The following WWOX variants were observed in gnomAD, a reference collection of about 807,000 sequenced individuals.
The protein encoded by WWOX is WW domain containing oxidoreductase.
A neutral mutation model predicts 46.2 loss-of-function variants in WWOX; 69 were observed. The observed-to-expected ratio is 1.49, with a 90% CI of 1.23 to 1.82. The LOEUF is 1.82. WWOX is among the 40% of genes most tolerant of loss of function. WWOX has a pLI of 0.00. For synonymous variants in WWOX, 359 were observed against 202.6 expected (o/e 1.77, Z -6.56); for missense variants, 919 against 542.6 (o/e 1.69, Z -6.89).
At chr16:78,148,385 C>T (rs151200753) in intron 4 of WWOX, among the ~76,000 whole-genome samples, 178 of 152,078 alleles carry the variant, frequency 1.2e-3, no homozygotes, top group African/African-American at 4.1e-3. Context: ...CCAGACAGCA[C>T]GTGTAGGGGG....
Position 78,846,016 on chromosome 16 carries a change from G to A in WWOX, c.1057-365592G>A, listed in dbSNP as rs181898682. 3.3e-5 allele frequency among the ~76,000 whole-genome samples: 5 copies of A among 152,296 alleles called. No homozygotes were observed. In the East Asian group the frequency reaches 7.7e-4, roughly 24 times the overall value. On this transcript the variant is annotated intron_variant, in intron 8 of 8. Transcript: ENST00000566780. The stretch of plus-strand genomic sequence containing the variant: ...AATTCTAAGATGGTAGCGTGGATGC[G>A]GGAGGCACTGCACAGGATGGAAAGC...
At chr16:78,626,586 C>G (rs1327108159) in intron 8 of WWOX, among the ~76,000 whole-genome samples, 1 of 152,138 alleles carries the variant, frequency 6.6e-6, no homozygotes, top group Non-Finnish European at 1.5e-5. Flanking sequence ...CTCTGATTCA[C>G]CTGGTCAAGG....
rs1221176819 is a variant in WWOX at position 78,935,222 on chromosome 16, A to G, written c.1057-276386A>G. Among the ~76,000 whole-genome samples, 3 of 152,206 alleles carry G rather than the reference A, an allele frequency of 2.0e-5. No homozygotes were observed. In the East Asian group the frequency reaches 5.8e-4, roughly 29 times the overall value. On this transcript the variant is annotated intron_variant, in intron 8 of 8. Coordinates refer to ENST00000566780, the MANE Select transcript of WWOX (RefSeq NM_016373.4). ...GATTCCTCAAGGATCTAGAACTAGA[A>G]ATACCATTTGACCCAGCCATCCCAT...
At chr16:79,031,731 G>T (rs1293554513) in intron 8 of WWOX, among the ~76,000 whole-genome samples, 12 of 144,286 alleles carry the variant, frequency 8.3e-5, no homozygotes, top group South Asian at 2.2e-4. Context: ...TGCTTAATAG[G>T]CTCTCTCTCT....
chr16:78,932,097 C>T (rs1199801201), intron 8 of WWOX, among the ~76,000 whole-genome samples: 1 of 152,226 alleles, frequency 6.6e-6, no homozygotes, highest in African/African-American at 2.4e-5. Flanking sequence ...ATAAATTACT[C>T]AGTCTCAGGT....
At chr16:78,169,635 A>G (rs1597300660) in intron 5 of WWOX, among the ~76,000 whole-genome samples, 1 of 152,056 alleles carries the variant, frequency 6.6e-6, no homozygotes, top group East Asian at 1.9e-4. Flanking sequence ...AGATTTCTAA[A>G]TTTTAGTTTC....
chr16:78,347,481 C>G lies in WWOX; in HGVS notation c.517-39379C>G, dbSNP rs185227868. ...CGCTGTTACCCCCACAATGTCCCCCCACATATCATTGCTATCCCTCCTCGA... is the reference window on the plus strand; with the variant it reads ...CGCTGTTACCCCCACAATGTCCCCCGACATATCATTGCTATCCCTCCTCGA... On this transcript the variant is annotated intron_variant, in intron 5 of 8. Coordinates refer to ENST00000566780, the MANE Select transcript of WWOX (RefSeq NM_016373.4). 9.1e-4 allele frequency among the ~76,000 whole-genome samples: 108 copies of G among 118,138 alleles called. 27 individuals carry two copies. The highest frequency in any genetic ancestry group is 4.0e-3 in the Middle Eastern group (1 of 252). 77.5% of individuals were successfully genotyped at this position (118,138 alleles called of 152,430 possible).
At position 78,728,091 on chromosome 16, in the gene WWOX, G is replaced by T. The variant is rs1362889966; in HGVS notation, c.1056+295339G>T. Reference sequence around the variant, plus strand: ...TTTTTTTTTTTTTTTTTGAGAAAGGGTCTCACTGTGTCACCCAAGCTGGAG... The same window carrying T: ...TTTTTTTTTTTTTTTTTGAGAAAGGTTCTCACTGTGTCACCCAAGCTGGAG... On this transcript the variant is annotated intron_variant, in intron 8 of 8. Transcript: ENST00000566780. Among the ~76,000 whole-genome samples, 6 of 123,340 alleles carry T rather than the reference G, an allele frequency of 4.9e-5. No homozygotes were observed. In the East Asian group the frequency reaches 9.4e-4, roughly 19 times the overall value. The allele number at this position is 123,340 out of a possible 152,430, so 80.9% of individuals were successfully genotyped here.
intron 8 of WWOX, among the ~76,000 whole-genome samples, chr16:79,013,589 C>T (rs140210451): frequency 9.1e-4 from 138 of 152,232 alleles, no homozygotes; most frequent in Middle Eastern, 6.8e-3. Flanking sequence ...TGTCTTCCAC[C>T]GGGACAGCCC....
intron 6 of WWOX, among the ~76,000 whole-genome samples, chr16:78,398,742 C>A (rs1456928676): frequency 1.3e-5 from 2 of 152,322 alleles, no homozygotes; most frequent in African/African-American, 2.4e-5. Context: ...CTTAATCTTT[C>A]TAATTCTTAA....
At chr16:78,183,911 A>T (rs915771658) in intron 5 of WWOX, among the ~76,000 whole-genome samples, 1 of 152,314 alleles carries the variant, frequency 6.6e-6, no homozygotes, top group Middle Eastern at 3.4e-3. Flanking sequence ...TCCGTGAGCC[A>T]ATTTGGAGAA....
Position 78,635,326 on chromosome 16 carries a change from G to C in WWOX, c.1056+202574G>C, listed in dbSNP as rs139153035. Reference sequence around the variant, plus strand: ...CCATCGCCCAAAAAGCCTGAGGAAGGATGGCAGGTGGACTTGGATCTAGGC... The same window carrying C: ...CCATCGCCCAAAAAGCCTGAGGAAGCATGGCAGGTGGACTTGGATCTAGGC... On this transcript the variant is annotated intron_variant, in intron 8 of 8. Transcript: ENST00000566780. Among the ~76,000 whole-genome samples the C allele has an allele frequency of 9.9e-5, 15 of 152,254 alleles. 1 individual carries two copies. The highest frequency in any genetic ancestry group is 6.8e-3 in the Middle Eastern group (2 of 294).
At chr16:78,959,761 T>G (rs1056478015) in intron 8 of WWOX, among the ~76,000 whole-genome samples, 8 of 152,208 alleles carry the variant, frequency 5.3e-5, no homozygotes, top group Non-Finnish European at 1.0e-4. Flanking sequence ...CCCATATTGA[T>G]GAATCCGAGA....
At chr16:78,774,809 C>T (rs2050150428) in intron 8 of WWOX, among the ~76,000 whole-genome samples, 1 of 152,260 alleles carries the variant, frequency 6.6e-6, no homozygotes, top group Non-Finnish European at 1.5e-5. Context: ...GAGGTGCTCC[C>T]AGGAGATCTT....
chr16:78,390,970 G>C (rs1306722803), intron 6 of WWOX, among the ~76,000 whole-genome samples: 1 of 152,186 alleles, frequency 6.6e-6, no homozygotes, highest in Non-Finnish European at 1.5e-5. Context: ...CTGAGTTCCT[G>C]TGTGTATTCC....
At chr16:78,162,219 A>G (rs2034816895) in intron 4 of WWOX, among the ~76,000 whole-genome samples, 1 of 152,188 alleles carries the variant, frequency 6.6e-6, no homozygotes, top group Admixed American at 6.5e-5. Flanking sequence ...TATTTTCACT[A>G]GGTATAGAAT....
chr16:78,529,598 C>G (rs2043569600), intron 8 of WWOX, among the ~76,000 whole-genome samples: 1 of 152,060 alleles, frequency 6.6e-6, no homozygotes, highest in Non-Finnish European at 1.5e-5. Context: ...TCCTGAGTAG[C>G]TGGGATTACA....
intron 8 of WWOX, among the ~76,000 whole-genome samples, chr16:78,735,679 C>T (rs934451385): frequency 3.3e-5 from 5 of 152,184 alleles, no homozygotes; most frequent in African/African-American, 1.2e-4. Flanking sequence ...CTCCTGGCGT[C>T]ACCACGGCCA....
intron 8 of WWOX, among the ~76,000 whole-genome samples, chr16:78,531,624 C>G (rs1263698599): frequency 6.6e-6 from 1 of 152,058 alleles, no homozygotes; most frequent in Non-Finnish European, 1.5e-5. Context: ...AGGTGAATCA[C>G]TTGAGGTCAG....
Sources: allele counts gnomAD v4.1 joint callset (sites outside exome capture counted in the v4.1 genomes callset), GRCh38; gene constraint gnomAD v4.1.1; transcripts MANE v1.5; gene names NCBI Gene and HGNC (gene_info 2026-07-23, HGNC 2026-07-21).